TAF4B: variants seen among roughly 807,000 people sequenced by gnomAD.
TAF4B encodes the protein TATA-box binding protein associated factor 4b, also known as transcription initiation factor TFIID subunit 4B.
A neutral mutation model predicts 86.4 loss-of-function variants in TAF4B; 38 were observed. That is an observed-to-expected ratio of 0.44 (90% CI 0.34 to 0.58). The LOEUF is 0.58. TAF4B is among the 20% of genes least tolerant of loss of function. The probability of loss-of-function intolerance (pLI) is 0.02; values close to 1 mark genes in which losing one functional copy is unlikely to be tolerated. For missense variants in TAF4B, 988 were observed against 1,027.6 expected (o/e 0.96, Z 0.53); for synonymous variants, 388 against 391.2 (o/e 0.99, Z 0.10).
At chr18:26,227,868 C>G (rs919896758) in intron 1 of TAF4B, among the ~76,000 whole-genome samples, 1 of 152,164 alleles carries the variant, frequency 6.6e-6, no homozygotes. Context: ...TAAATTTAAC[C>G]AAGTCAGAAT....
At chr18:26,236,308 G>T (rs1243206519) in intron 1 of TAF4B, among the ~76,000 whole-genome samples, 2 of 152,194 alleles carry the variant, frequency 1.3e-5, no homozygotes, top group Non-Finnish European at 2.9e-5. Context: ...TCTTAGGATG[G>T]TAATGGACCT....
chr18:26,235,277 T>G (rs1407057296), intron 1 of TAF4B, among the ~76,000 whole-genome samples: 1 of 152,086 alleles, frequency 6.6e-6, no homozygotes, highest in African/African-American at 2.4e-5. Flanking sequence ...TAGCCAGAGA[T>G]CCATAGTTGG....
In TAF4B at chr18:26,226,797, C is replaced by T. The variant is rs2055581334; in HGVS notation, c.-137C>T. On this transcript the variant is annotated 5_prime_UTR_variant, in exon 1 of 15. Transcript: ENST00000269142. ...CAGCGGGCGCCCGTCACTGACTTCG[C>T]TGCTGCGGCCCCCGCGCCTCTCCCC... is the stretch of plus-strand genomic sequence containing the variant. 3 of 648,044 alleles carry T rather than the reference C, an allele frequency of 4.6e-6. No homozygotes were observed. Among genetic ancestry groups the T allele is most frequent in the South Asian group, 8.3e-5 (2 of 24,002 alleles). The allele number at this position is 648,044 out of a possible 1,614,324, so 40.1% of individuals were successfully genotyped here.
chr18:26,293,371 A>G (rs2056620138), intron 8 of TAF4B, 55 bp from the exon 9 acceptor site: 3 of 1,250,794 alleles, frequency 2.4e-6, no homozygotes, highest in Non-Finnish European at 3.4e-6. Flanking sequence ...GATTTTTCCT[A>G]ATGTGGTGTG....
intron 10 of TAF4B, among the ~76,000 whole-genome samples, chr18:26,317,277 C>T (rs768979517): frequency 8.5e-5 from 13 of 152,230 alleles, no homozygotes; most frequent in Non-Finnish European, 1.3e-4. Flanking sequence ...GTCATCCACC[C>T]GCCTTGGCCT....
chr18:26,297,145 A>G (rs1333654396), intron 9 of TAF4B, among the ~76,000 whole-genome samples: 1 of 152,020 alleles, frequency 6.6e-6, no homozygotes, highest in Admixed American at 6.6e-5. Context: ...AAAAAAAAAA[A>G]AAAAATGTAG....
At chr18:26,229,606 A>T (rs1416846500) in intron 1 of TAF4B, among the ~76,000 whole-genome samples, 2 of 150,748 alleles carry the variant, frequency 1.3e-5, no homozygotes, top group Non-Finnish European at 2.9e-5. Flanking sequence ...GGGTTCAAGC[A>T]ATTCTCCCGT....
chr18:26,360,144 T>C (rs964265328), intron 14 of TAF4B, among the ~76,000 whole-genome samples: 1 of 152,222 alleles, frequency 6.6e-6, no homozygotes, highest in Non-Finnish European at 1.5e-5. Context: ...TACATAAATA[T>C]TATTTGTTGC....
intron 1 of TAF4B, among the ~76,000 whole-genome samples, chr18:26,252,159 G>GT (rs879472859): frequency 2.6e-5 from 4 of 152,050 alleles, no homozygotes; most frequent in Non-Finnish European, 4.4e-5. Flanking sequence ...TTTTCAACGT[G>GT]TTTTTTACAT....
intron 11 of TAF4B, among the ~76,000 whole-genome samples, chr18:26,326,559 TG>T (rs1479965834): frequency 3.3e-5 from 5 of 152,198 alleles, no homozygotes; most frequent in Admixed American, 3.3e-4. Flanking sequence ...CTTTCATCTT[TG>T]GTATATTTTT....
Position 26,267,595 on chromosome 18 carries a change from C to T in TAF4B, c.569C>T (p.Thr190Ile). 5.6e-6 allele frequency: 9 copies of T among 1,613,990 alleles called. No individual in the cohort carries two copies. Among genetic ancestry groups the T allele is most frequent in the Non-Finnish European group, 7.6e-6 (9 of 1,179,896 alleles). The change falls in exon 3 of 15, where the codon ACC becomes ATC. Residue 190 changes from threonine to isoleucine, a missense_variant. By Grantham distance (89) the Thr-to-Ile change is moderately conservative. Transcript: ENST00000269142. ...KLAQIGTTVV[T>I]TVPKPSSVQS... Reference sequence around the variant, plus strand: ...GCACAAATAGGAACTACTGTGGTAACCACTGTTCCGAAGCCTTCCTCAGTA... The same window carrying T: ...GCACAAATAGGAACTACTGTGGTAATCACTGTTCCGAAGCCTTCCTCAGTA...
At chr18:26,277,951 C>T (rs945167142) in intron 5 of TAF4B, among the ~76,000 whole-genome samples, 1 of 152,186 alleles carries the variant, frequency 6.6e-6, no homozygotes, top group East Asian at 1.9e-4. Flanking sequence ...GTAATTTTGG[C>T]TGGAGAGCTT....
At chr18:26,238,544 AATTT>A (rs925276323) in intron 1 of TAF4B, among the ~76,000 whole-genome samples, 8 of 152,034 alleles carry the variant, frequency 5.3e-5, no homozygotes, top group Admixed American at 2.6e-4. Context: ...AGAGTCCTGA[AATTT>A]ATTTATTTAT....
In TAF4B at chr18:26,315,407, A is replaced by T. The variant is rs1428046186; in HGVS notation, c.2002+9A>T. 6.2e-7 allele frequency: 1 copy of T among 1,604,470 alleles called. No homozygotes were observed. The highest frequency in any genetic ancestry group is 8.5e-7 in the Non-Finnish European group (1 of 1,175,884). On this transcript the variant is annotated intron_variant, in intron 10 of 14. Transcript: ENST00000269142. The stretch of plus-strand genomic sequence containing the variant: ...GAGAATTTTAGACATTGGTAAGTGT[A>T]GAGTTATGATTATTGACCTGATAGA...
chr18:26,335,450 G>A (rs770448705), intron 13 of TAF4B, among the ~76,000 whole-genome samples: 10 of 152,120 alleles, frequency 6.6e-5, no homozygotes, highest in African/African-American at 9.7e-5. Context: ...GGCCTGTCTC[G>A]AAATGGGTCT....
intron 12 of TAF4B, among the ~76,000 whole-genome samples, chr18:26,328,246 C>A (rs149244126): frequency 6.6e-6 from 1 of 152,014 alleles, no homozygotes; most frequent in African/African-American, 2.4e-5. Context: ...GTCAGGAGAT[C>A]GAGACTATCC....
At chr18:26,273,684 T>C (rs2056348320) in intron 3 of TAF4B, among the ~76,000 whole-genome samples, 1 of 152,224 alleles carries the variant, frequency 6.6e-6, no homozygotes, top group Admixed American at 6.5e-5. Flanking sequence ...TGTGAGCCAC[T>C]GCACTTGTCC....
intron 1 of TAF4B, among the ~76,000 whole-genome samples, chr18:26,246,671 C>G (rs993405099): frequency 6.6e-6 from 1 of 151,020 alleles, no homozygotes; most frequent in African/African-American, 2.4e-5. Context: ...GTAGCTGGGA[C>G]AACAGGTGTG....
At chr18:26,339,011 C>A (rs1304195583) in intron 13 of TAF4B, among the ~76,000 whole-genome samples, 4 of 152,172 alleles carry the variant, frequency 2.6e-5, no homozygotes, top group Non-Finnish European at 2.9e-5. Context: ...TGAAGAAGTT[C>A]CTGCTGCATA....
Sources: gnomAD v4.1 joint callset for allele counts (sites outside exome capture counted in the v4.1 genomes callset) on GRCh38, gnomAD v4.1.1 for gene constraint, MANE v1.5 for transcripts, NCBI Gene and HGNC (gene_info 2026-07-23, HGNC 2026-07-21) for gene names.